SARS1: variants seen among roughly 807,000 people sequenced by gnomAD.
SARS1 encodes the protein seryl-tRNA synthetase 1, also known as serine--tRNA ligase, cytoplasmic.
A neutral mutation model predicts 63.7 loss-of-function variants in SARS1; 25 were observed. The observed-to-expected ratio is 0.39, with a 90% confidence interval of 0.29 to 0.55. SARS1 has a LOEUF of 0.55. Ranked by LOEUF, SARS1 falls within the 20% of genes least tolerant of loss-of-function variation. The pLI is 0.62. For synonymous variants in SARS1, 231 were observed against 243.5 expected (o/e 0.95, Z 0.48); for missense variants, 417 against 649.7 (o/e 0.64, Z 3.89).
In SARS1 at chr1:109,235,294, G is replaced by A; in HGVS notation, c.832G>A (p.Ala278Thr). The change falls in exon 7 of 11, where the codon GCC becomes ACC. Residue 278 changes from alanine to threonine, a missense_variant. Coordinates refer to ENST00000234677, the MANE Select transcript of SARS1 (RefSeq NM_006513.4). This position sits in a 1 kb window ranked among gnomAD's most constrained non-coding sequence, Gnocchi z 4.7. ...TGCCACCTCAGAGCAGCCCATTGCT[G>A]CCCTGCACCGGGATGAGTGGCTCCG... Reference protein sequence around the residue: ...LIATSEQPIAALHRDEWLRPE... With the variant: ...LIATSEQPIATLHRDEWLRPE... 5 of 1,614,124 alleles carry A rather than the reference G, an allele frequency of 3.1e-6. No homozygotes were observed. Among genetic ancestry groups the A allele is most frequent in the Non-Finnish European group, 4.2e-6 (5 of 1,180,032 alleles).
rs1203798061 is a variant in SARS1, at chr1:109,223,998, T to A, written c.157T>A (p.Leu53Met). ...WRRCRFRADN[L>M]NKLKNLCSKT... ...CCTAGGTAGATTTCGGGCAGACAAC[T>A]TGAACAAGCTGAAGAACCTATGCAG... The change falls in exon 2 of 11, where the codon TTG becomes ATG. Residue 53 changes from leucine to methionine, a missense_variant. By Grantham distance (15) the Leu-to-Met change is conservative. Coordinates refer to ENST00000234677, the MANE Select transcript of SARS1 (RefSeq NM_006513.4). 6.2e-7 allele frequency: 1 copy of A among 1,613,576 alleles called. No homozygotes were observed. The highest frequency in any genetic ancestry group is 1.3e-5 in the African/African-American group (1 of 74,998).
At chr1:109,219,569 G>A (rs1253288919) in intron 1 of SARS1, among the ~76,000 whole-genome samples, 2 of 150,488 alleles carry the variant, frequency 1.3e-5, no homozygotes, top group Admixed American at 1.3e-4. Context: ...CTGGTGTGCA[G>A]TGGCGTGATC....
intron 2 of SARS1, among the ~76,000 whole-genome samples, chr1:109,225,024 G>A (rs1455331382): frequency 6.6e-6 from 1 of 152,210 alleles, no homozygotes; most frequent in Non-Finnish European, 1.5e-5. Flanking sequence ...AGGATCACTT[G>A]AGGCCAGGAG....
In SARS1 at chr1:109,236,565, G is replaced by T; in HGVS notation, c.1257+17G>T. On this transcript the variant is annotated intron_variant, in intron 9 of 10. Coordinates refer to ENST00000234677, the MANE Select transcript of SARS1 (RefSeq NM_006513.4). ...ATGGACAAGGTAGATGGCCCCCAGG[G>T]AGGTGGGAAGCAGAGTCTTCAGTAC... 6.3e-7 allele frequency: 1 copy of T among 1,595,252 alleles called. No individual in the cohort carries two copies. The highest frequency in any genetic ancestry group is 8.6e-7 in the Non-Finnish European group (1 of 1,164,216).
At chr1:109,217,284 A>G in intron 1 of SARS1, 1 of 322,054 alleles carries the variant, frequency 3.1e-6, no homozygotes. Context: ...AGCCAAGCCT[A>G]CCTTAAATGT....
Position 109,237,130 on chromosome 1 carries a change from T to C in SARS1, c.1258-114T>C. 6.8e-7 allele frequency: 1 copy of C among 1,477,346 alleles called. No homozygotes were observed. Among genetic ancestry groups the C allele is most frequent in the South Asian group, 1.4e-5 (1 of 73,612 alleles). 91.5% of individuals were successfully genotyped at this position (1,477,346 alleles called of 1,614,324 possible). The stretch of plus-strand genomic sequence containing the variant: ...GTTGCTAAGGGGTAGAACCCATCAT[T>C]TTGATTTGGACAGTTGTGGTTGGGG... On this transcript the variant is annotated intron_variant, in intron 9 of 10. Coordinates refer to ENST00000234677, the MANE Select transcript of SARS1 (RefSeq NM_006513.4). The surrounding 1 kb of genome is among the most constrained non-coding windows in gnomAD (Gnocchi z 4.1).
intron 6 of SARS1, among the ~76,000 whole-genome samples, chr1:109,234,443 T>C (rs574226436): frequency 1.3e-5 from 2 of 152,308 alleles, no homozygotes; most frequent in African/African-American, 2.4e-5. Flanking sequence ...GTCTGAACTT[T>C]TTTTTTTTTG....
rs374920184 is a variant in SARS1, at chr1:109,237,765, G to A, written c.1422G>A (p.Ala474=). 6.8e-6 allele frequency: 11 copies of A among 1,614,106 alleles called. No homozygotes were observed. The African/African-American group carries it at 9.3e-5, about 14-fold the overall frequency. The change falls in exon 11 of 11, where the codon GCG becomes GCA. Residue 474 remains alanine, a synonymous_variant. Coordinates refer to ENST00000234677, the MANE Select transcript of SARS1 (RefSeq NM_006513.4). This position sits in a 1 kb window ranked among gnomAD's most constrained non-coding sequence, Gnocchi z 4.1. ...LQELIPFVKP[A]PIEQEPSKKQ... ...AACTGATCCCCTTTGTGAAGCCTGC[G>A]CCCATTGAGCAGGAGCCATCAAAGA...
Position 109,236,623 on chromosome 1 carries a change from G to T in SARS1, c.1257+75G>T. The T allele has an allele frequency of 1.9e-6, 3 of 1,549,342 alleles. No homozygotes were observed. The South Asian group carries it at 3.6e-5, about 19-fold the overall frequency. On this transcript the variant is annotated intron_variant, in intron 9 of 10. Transcript: ENST00000234677. Reference sequence around the variant, plus strand: ...GTCCGAATTATTTCTCAGCCTTTGGGGTGCACTGGTCCCCAGCATCATGGG... The same window carrying T: ...GTCCGAATTATTTCTCAGCCTTTGGTGTGCACTGGTCCCCAGCATCATGGG...
rs1434539301 is a variant in SARS1 at position 109,221,236 on chromosome 1, T to G, written c.137-2742T>G. On this transcript the variant is annotated intron_variant, in intron 1 of 10. Coordinates refer to ENST00000234677, the MANE Select transcript of SARS1 (RefSeq NM_006513.4). ...CCACCACGCCCAGCTAATTTTTGTA[T>G]TTTTAGTAGAAACAGGATTTCACCA... Among the ~76,000 whole-genome samples, 3 of 152,120 alleles carry G rather than the reference T, an allele frequency of 2.0e-5. No homozygotes were observed. In the East Asian group the frequency reaches 5.8e-4, roughly 29 times the overall value.
rs1017768067 is a variant in SARS1, at chr1:109,237,597, T to G, written c.1388-134T>G. 3.5e-6 allele frequency: 4 copies of G among 1,151,478 alleles called. No individual in the cohort carries two copies. In the African/African-American group the frequency reaches 6.3e-5, roughly 18 times the overall value. 71.3% of individuals were successfully genotyped at this position (1,151,478 alleles called of 1,614,324 possible). On this transcript the variant is annotated intron_variant, in intron 10 of 10. Transcript: ENST00000234677. The surrounding 1 kb of genome is among the most constrained non-coding windows in gnomAD (Gnocchi z 4.1). The stretch of plus-strand genomic sequence containing the variant: ...AAATTCAGACTAGGGAAGAAAAGAA[T>G]AAAGGAAACCAGTGCCTATCAAAGG...
At chr1:109,216,647 T>A (rs920133149) in intron 1 of SARS1, 42 of 949,130 alleles carry the variant, frequency 4.4e-5, no homozygotes, top group African/African-American at 1.9e-4. Flanking sequence ...CCTTTTTTTT[T>A]AATTTGAGAC....
At position 109,231,037 on chromosome 1, in the gene SARS1, C is replaced by A. The variant is rs1655199109; in HGVS notation, c.591+16C>A. On this transcript the variant is annotated intron_variant, in intron 5 of 10. Coordinates refer to ENST00000234677, the MANE Select transcript of SARS1 (RefSeq NM_006513.4). ...CTTCTTGAAGGTAAGAGCTGGGAAC[C>A]AGTGAGGATAGGATTATGAAAAAGA... 1 of 1,440,562 alleles carries A rather than the reference C, an allele frequency of 6.9e-7. No individual in the cohort carries two copies. Among genetic ancestry groups the A allele is most frequent in the East Asian group, 2.6e-5 (1 of 38,082 alleles). The allele number at this position is 1,440,562 out of a possible 1,614,324, so 89.2% of individuals were successfully genotyped here.
In SARS1 at chr1:109,236,448, C is replaced by T; in HGVS notation, c.1157C>T (p.Ser386Leu). The T allele has an allele frequency of 6.2e-7, 1 of 1,603,784 alleles. No individual in the cohort carries two copies. The highest frequency in any genetic ancestry group is 8.5e-7 in the Non-Finnish European group (1 of 1,171,282). ...GACCTGGAGGCCTGGTTTCCGGGCT[C>T]AGGAGCCTTCCGTGAGTTGGTCTCC... Reference protein sequence around the residue: ...KLDLEAWFPGSGAFRELVSCS... With the variant: ...KLDLEAWFPGLGAFRELVSCS... Residue 386 changes from serine to leucine, a missense_variant, in exon 9 of 11, where the codon TCA (serine) becomes TTA (leucine). Ser to Leu is a moderately radical substitution (Grantham distance 145). This residue lies in a region of SARS1 where 359 missense variants were observed against 529.6 expected (regional missense o/e 0.68). Transcript: ENST00000234677.
chr1:109,229,079 A>C (rs669697), intron 3 of SARS1, among the ~76,000 whole-genome samples: 43,393 of 152,094 alleles, frequency 0.29, 6,402 homozygotes, highest in East Asian at 0.43. Flanking sequence ...TGGTTCAGTC[A>C]AGAAAATCAG....
chr1:109,236,891 T>C, intron 9 of SARS1: 1 of 1,583,564 alleles, frequency 6.3e-7, no homozygotes, highest in Non-Finnish European at 8.6e-7. Context: ...TAAGCTGCTC[T>C]CTTCAAACCC....
In SARS1 at chr1:109,235,900, T is replaced by C; in HGVS notation, c.970-77T>C. On this transcript the variant is annotated intron_variant, in intron 7 of 10. Transcript: ENST00000234677. The surrounding 1 kb of genome is among the most constrained non-coding windows in gnomAD (Gnocchi z 4.7). Reference sequence around the variant, plus strand: ...CCAGTGGTGTGGAAACAGGTCTTCATGGCAAGGATGTCTCCCACTTCAGTC... The same window carrying C: ...CCAGTGGTGTGGAAACAGGTCTTCACGGCAAGGATGTCTCCCACTTCAGTC... The C allele has an allele frequency of 1.4e-6, 2 of 1,411,914 alleles. No individual in the cohort carries two copies. Among genetic ancestry groups the C allele is most frequent in the Non-Finnish European group, 1.9e-6 (2 of 1,043,648 alleles). The allele number at this position is 1,411,914 out of a possible 1,614,324, so 87.5% of individuals were successfully genotyped here. A position where few individuals can be genotyped will look rare whatever the true frequency, so the allele number is the denominator to read the frequency against.
chr1:109,228,210 T>C, intron 2 of SARS1, 142 bp from the exon 3 acceptor site: 1 of 629,428 alleles, frequency 1.6e-6, no homozygotes, highest in Non-Finnish European at 2.6e-6. Flanking sequence ...ATTTTTTTCC[T>C]ACATGTTGTA....
intron 1 of SARS1, among the ~76,000 whole-genome samples, chr1:109,221,077 C>A (rs1051851385): frequency 3.7e-5 from 4 of 109,418 alleles, no homozygotes; most frequent in Non-Finnish European, 7.8e-5. Flanking sequence ...TTTTTTTTTT[C>A]TTGAGACAGA....
Sources: gnomAD v4.1 joint callset for allele counts (sites outside exome capture counted in the v4.1 genomes callset) on GRCh38, gnomAD v4.1.1 for gene constraint, gnomAD v4.1.1 regional missense constraint, Gnocchi (gnomAD v3.1) non-coding constraint, MANE v1.5 for transcripts, NCBI Gene and HGNC (gene_info 2026-07-23, HGNC 2026-07-21) for gene names.